AIG1: variants seen among roughly 807,000 people sequenced by gnomAD.
AIG1 encodes androgen induced 1, also known as androgen-induced gene 1 protein.
AIG1 carries 23 observed loss-of-function variants against 31.4 expected under a neutral mutation model. The ratio of observed to expected loss-of-function variants is 0.73; its 90% CI spans 0.53 to 1.04. The LOEUF (loss-of-function observed/expected upper bound fraction) is 1.04. Among genes scored for constraint, AIG1 ranks in the 50% least tolerant of loss-of-function variants. The pLI is 0.00. For synonymous variants in AIG1, 100 were observed against 110.5 expected (o/e 0.90, Z 0.60); for missense variants, 274 against 295.0 (o/e 0.93, Z 0.52).
chr6:143,210,054 G>A (rs1383799046), intron 3 of AIG1, among the ~76,000 whole-genome samples: 1 of 152,156 alleles, frequency 6.6e-6, no homozygotes, highest in East Asian at 1.9e-4. Context: ...GGGACCTGGT[G>A]GGAGGTAATT....
intron 1 of AIG1, among the ~76,000 whole-genome samples, chr6:143,115,873 G>A (rs555961248): frequency 6.6e-6 from 1 of 152,294 alleles, no homozygotes; most frequent in African/African-American, 2.4e-5. Flanking sequence ...AATGAGGAGA[G>A]GGCAGAAATC....
chr6:143,226,733 A>G (rs1023277176), intron 3 of AIG1, among the ~76,000 whole-genome samples: 2 of 152,148 alleles, frequency 1.3e-5, no homozygotes, highest in African/African-American at 4.8e-5. Flanking sequence ...TAATTTTGTG[A>G]AAATTGTGTA....
rs59873606 is a variant in AIG1, at chr6:143,279,583, G to T, written c.400-4527G>T. ...CTCAGGTGTGAGGACTGCTCTGTGTGGAGGTGACACCCCCTTGTGGATCTC... is the reference window on the plus strand; with the variant it reads ...CTCAGGTGTGAGGACTGCTCTGTGTTGAGGTGACACCCCCTTGTGGATCTC... On this transcript the variant is annotated intron_variant, in intron 3 of 5. Coordinates refer to ENST00000357847, the MANE Select transcript of AIG1 (RefSeq NM_016108.4). This position sits in a 1 kb window ranked among gnomAD's most constrained non-coding sequence, Gnocchi z 5.4. Among the ~76,000 whole-genome samples, 5,881 of 152,212 alleles carry T rather than the reference G, an allele frequency of 0.039. 383 individuals are homozygous for T. Among genetic ancestry groups the T allele is most frequent in the African/African-American group, 0.13 (5,456 of 41,490 alleles).
intron 3 of AIG1, among the ~76,000 whole-genome samples, chr6:143,278,264 AATAATCT>A (rs1207411209): frequency 6.6e-6 from 1 of 152,230 alleles, no homozygotes; most frequent in Non-Finnish European, 1.5e-5. Flanking sequence ...ACAACTTATG[AATAATCT>A]ATTCCAGTAT....
chr6:143,250,516 G>T (rs1794936647), intron 3 of AIG1, among the ~76,000 whole-genome samples: 2 of 152,042 alleles, frequency 1.3e-5, no homozygotes, highest in African/African-American at 4.8e-5. Flanking sequence ...TGGCATAAAG[G>T]CACAATTAAG....
chr6:143,313,887 C>T (rs1333048183), intron 4 of AIG1, among the ~76,000 whole-genome samples: 2 of 151,840 alleles, frequency 1.3e-5, no homozygotes, highest in African/African-American at 4.8e-5. Context: ...TTAAAAAGCC[C>T]TACAGCTAAC....
At chr6:143,174,035 C>G (rs1787899789) in intron 3 of AIG1, among the ~76,000 whole-genome samples, 1 of 152,080 alleles carries the variant, frequency 6.6e-6, no homozygotes, top group Non-Finnish European at 1.5e-5. Context: ...CTTCTTAGGT[C>G]TAGTAGTAAT....
intron 1 of AIG1, among the ~76,000 whole-genome samples, chr6:143,109,041 C>T (rs993265743): frequency 2.1e-4 from 32 of 152,154 alleles, no homozygotes; most frequent in African/African-American, 7.2e-4. Flanking sequence ...TATAGCTGCT[C>T]ATTCTTCAAT....
Position 143,334,998 on chromosome 6 carries a change from C to T in AIG1, c.679+1553C>T. 9.8e-7 allele frequency: 1 copy of T among 1,015,740 alleles called. No individual in the cohort carries two copies. The highest frequency in any genetic ancestry group is 2.6e-5 in the South Asian group (1 of 39,212). 62.9% of individuals were successfully genotyped at this position (1,015,740 alleles called of 1,614,324 possible). On this transcript the variant is annotated intron_variant, in intron 5 of 5. Transcript: ENST00000357847. The surrounding 1 kb of genome is among the most constrained non-coding windows in gnomAD (Gnocchi z 5.1). ...TTTGAATGATTTGTTTAATTTATGC[C>T]ATTCTTTTAAGTAACATAAGATTGA...
chr6:143,226,243 T>C (rs1263803497), intron 3 of AIG1, among the ~76,000 whole-genome samples: 1 of 136,396 alleles, frequency 7.3e-6, no homozygotes, highest in East Asian at 2.3e-4. Context: ...ACTATATATA[T>C]ATATTTTTTT....
rs567431069 is a variant in AIG1, at chr6:143,062,829, C to G, written c.141+1763C>G. ...TTGAGGGGCTATGTGAGCAAAACTC[C>G]TTTTGGGACACTGCCTTATCCCATT... is the stretch of plus-strand genomic sequence containing the variant. On this transcript the variant is annotated intron_variant, in intron 1 of 5. Transcript: ENST00000357847. 3.3e-5 allele frequency among the ~76,000 whole-genome samples: 5 copies of G among 152,266 alleles called. No homozygotes were observed. The East Asian group carries it at 9.6e-4, about 29-fold the overall frequency.
chr6:143,276,884 T>A (rs1266029588), intron 3 of AIG1, among the ~76,000 whole-genome samples: 34 of 152,220 alleles, frequency 2.2e-4, no homozygotes, highest in Admixed American at 2.2e-3. Flanking sequence ...TCGGATGTCA[T>A]TTCTATCTCC....
Position 143,329,668 on chromosome 6 carries a change from C to T in AIG1, c.516-3614C>T, listed in dbSNP as rs1312134332. On this transcript the variant is annotated intron_variant, in intron 4 of 5. Transcript: ENST00000357847. The surrounding 1 kb of genome is among the most constrained non-coding windows in gnomAD (Gnocchi z 4.9). ...GACAGCCGGTGTGCCAAATCCAGCCCACCACCTGGATTTTTGTTTGTTTGT... is the reference window on the plus strand; with the variant it reads ...GACAGCCGGTGTGCCAAATCCAGCCTACCACCTGGATTTTTGTTTGTTTGT... Among the ~76,000 whole-genome samples, 1 of 148,154 alleles carries T rather than the reference C, an allele frequency of 6.7e-6. No homozygotes were observed. The highest frequency in any genetic ancestry group is 2.0e-4 in the East Asian group (1 of 5,004).
intron 1 of AIG1, among the ~76,000 whole-genome samples, chr6:143,135,750 C>T (rs181956493): frequency 2.6e-5 from 4 of 152,170 alleles, no homozygotes; most frequent in African/African-American, 7.2e-5. Flanking sequence ...ATCCACAGAG[C>T]TTTCACAGAC....
At chr6:143,336,919 A>C (rs1179492224) in intron 5 of AIG1, among the ~76,000 whole-genome samples, 1 of 152,154 alleles carries the variant, frequency 6.6e-6, no homozygotes, top group African/African-American at 2.4e-5. Flanking sequence ...GAGAAGTTGC[A>C]GGGGGAAAAA....
chr6:143,304,788 T>G (rs1354487856), intron 4 of AIG1, among the ~76,000 whole-genome samples: 1 of 152,120 alleles, frequency 6.6e-6, no homozygotes, highest in African/African-American at 2.4e-5. Flanking sequence ...TTGGAATAGT[T>G]TCAGAAGGAA....
chr6:143,113,196 G>A, intron 1 of AIG1, among the ~76,000 whole-genome samples: 1 of 148,098 alleles, frequency 6.8e-6, no homozygotes. Flanking sequence ...GAAAGACCCT[G>A]TCTCAAAAAA....
chr6:143,114,751 T>G (rs1781595445), intron 1 of AIG1, among the ~76,000 whole-genome samples: 2 of 152,348 alleles, frequency 1.3e-5, no homozygotes, highest in African/African-American at 4.8e-5. Context: ...TTTGGAGTAT[T>G]CTGGCTAAAT....
At position 143,280,163 on chromosome 6, in the gene AIG1, C is replaced by T. The variant is rs918553743; in HGVS notation, c.400-3947C>T. On this transcript the variant is annotated intron_variant, in intron 3 of 5. Coordinates refer to ENST00000357847, the MANE Select transcript of AIG1 (RefSeq NM_016108.4). This position sits in a 1 kb window ranked among gnomAD's most constrained non-coding sequence, Gnocchi z 4.1. ...GAAACAGCAACAGATCATTCTTCAG[C>T]TCGCTTCCAGCCATCTGTAACTGTC... Among the ~76,000 whole-genome samples, 2 of 152,208 alleles carry T rather than the reference C, an allele frequency of 1.3e-5. No individual in the cohort carries two copies. Among genetic ancestry groups the T allele is most frequent in the Admixed American group, 1.3e-4 (2 of 15,284 alleles).
Sources: gnomAD v4.1 joint callset for allele counts (sites outside exome capture counted in the v4.1 genomes callset) on GRCh38, gnomAD v4.1.1 for gene constraint, Gnocchi (gnomAD v3.1) non-coding constraint, MANE v1.5 for transcripts, NCBI Gene and HGNC (gene_info 2026-07-23, HGNC 2026-07-21) for gene names.